LY96: variants seen among roughly 807,000 people sequenced by gnomAD.
LY96 encodes the protein myeloid differentiation protein-2.
Under a neutral mutation model 18.9 loss-of-function variants are expected in LY96, and 18 were observed. The observed-to-expected ratio is 0.95, with a 90% CI of 0.66 to 1.41. The LOEUF (loss-of-function observed/expected upper bound fraction) is 1.41, where lower values mean the gene tolerates loss of function less well. LY96 is among the 40% of genes most tolerant of loss of function. The pLI is 0.00. For synonymous variants in LY96, 66 were observed against 62.6 expected (o/e 1.06, Z -0.26); for missense variants, 175 against 182.4 (o/e 0.96, Z 0.23).
chr8:74,014,812 T>TACACACACACACACAC (rs111566455), intron 3 of LY96, among the ~76,000 whole-genome samples: 6 of 144,666 alleles, frequency 4.1e-5, no homozygotes, highest in African/African-American at 1.5e-4. Context: ...CTCACCAGTT[T>TACACACACACACACAC]ACACACACAC....
At chr8:74,066,958 A>T in the LY96 span, among the ~76,000 whole-genome samples, 9 of 152,242 alleles carry the variant, frequency 5.9e-5, no homozygotes, top group Non-Finnish European at 7.3e-5. Flanking sequence ...CAAAGAGAAC[A>T]GTGGCTACAG....
the LY96 span, among the ~76,000 whole-genome samples, chr8:74,076,688 G>T: frequency 6.6e-6 from 1 of 152,030 alleles, no homozygotes; most frequent in Non-Finnish European, 1.5e-5. Context: ...GATAGTAGGG[G>T]ATTAGTGTTA....
At chr8:74,045,458 AAT>A in the LY96 span, among the ~76,000 whole-genome samples, 1 of 152,222 alleles carries the variant, frequency 6.6e-6, no homozygotes, top group Non-Finnish European at 1.5e-5. Context: ...AAAAATCCAA[AAT>A]ATGTTATCCA....
intron 3 of LY96, among the ~76,000 whole-genome samples, chr8:74,023,635 C>T (rs1286146317): frequency 6.6e-6 from 1 of 152,102 alleles, no homozygotes; most frequent in East Asian, 1.9e-4. Flanking sequence ...GTCATTCCCT[C>T]AGGCTGTTCC....
chr8:74,053,685 C>T, the LY96 span, among the ~76,000 whole-genome samples: 8 of 152,336 alleles, frequency 5.3e-5, no homozygotes, highest in Non-Finnish European at 1.0e-4. Context: ...AACACAAACT[C>T]CAACTCAAAT....
the LY96 span, among the ~76,000 whole-genome samples, chr8:74,089,168 A>G: frequency 2.6e-5 from 4 of 152,160 alleles, no homozygotes; most frequent in African/African-American, 9.7e-5. Flanking sequence ...CAGTGATGAA[A>G]TAGCTGGTGG....
At chr8:74,006,634 C>T (rs2131264832) in intron 2 of LY96, among the ~76,000 whole-genome samples, 1 of 152,324 alleles carries the variant, frequency 6.6e-6, no homozygotes, top group East Asian at 1.9e-4. Context: ...ACTCTATTTC[C>T]TTCACTTTCC....
intron 4 of LY96, 49 bp downstream of exon 4, chr8:74,026,890 A>G: frequency 1.1e-6 from 1 of 935,114 alleles, no homozygotes; most frequent in South Asian, 1.4e-5. Flanking sequence ...GCAGTAATAG[A>G]CATGTTAAGC....
At chr8:74,077,112 T>G in the LY96 span, among the ~76,000 whole-genome samples, 14 of 152,286 alleles carry the variant, frequency 9.2e-5, no homozygotes, top group African/African-American at 3.1e-4. Flanking sequence ...GGGCAACATA[T>G]GGGGCCAGAG....
chr8:74,052,836 G>GATAGAAGCT, the LY96 span, among the ~76,000 whole-genome samples: 201 of 152,266 alleles, frequency 1.3e-3, 3 homozygotes, highest in East Asian at 0.037. Flanking sequence ...TAGTAAGGAG[G>GATAGAAGCT]GGTATGATTG....
At chr8:73,992,041 A>G (rs1460190686) in intron 1 of LY96, among the ~76,000 whole-genome samples, 1 of 152,222 alleles carries the variant, frequency 6.6e-6, no homozygotes, top group Non-Finnish European at 1.5e-5. Context: ...GACCTTAAGC[A>G]AAGTACTCCA....
intron 2 of LY96, among the ~76,000 whole-genome samples, chr8:74,006,290 C>T (rs540606067): frequency 3.3e-5 from 5 of 152,148 alleles, no homozygotes; most frequent in South Asian, 2.1e-4. Context: ...CTCTGCCTCC[C>T]GGGTTCAATC....
intron 1 of LY96, among the ~76,000 whole-genome samples, chr8:74,001,295 C>G (rs999135929): frequency 6.6e-6 from 1 of 150,874 alleles, no homozygotes; most frequent in African/African-American, 2.4e-5. Context: ...GTGATCTCAG[C>G]TCACTGCAAC....
the LY96 span, among the ~76,000 whole-genome samples, chr8:74,087,717 CAT>C: frequency 6.6e-6 from 1 of 152,200 alleles, no homozygotes; most frequent in African/African-American, 2.4e-5. Context: ...TAATGAAAGA[CAT>C]CGCCAAGCTT....
intron 2 of LY96, among the ~76,000 whole-genome samples, chr8:74,007,367 T>A (rs1816435750): frequency 6.6e-6 from 1 of 152,232 alleles, no homozygotes; most frequent in Non-Finnish European, 1.5e-5. Context: ...TCTCACTAAA[T>A]ATGACATTTA....
At chr8:74,071,644 T>G in the LY96 span, among the ~76,000 whole-genome samples, 2 of 152,226 alleles carry the variant, frequency 1.3e-5, no homozygotes, top group African/African-American at 4.8e-5. Context: ...CCACTGCCTC[T>G]CACCTCCAGG....
intron 3 of LY96, among the ~76,000 whole-genome samples, chr8:74,014,341 G>A (rs1816594706): frequency 1.3e-5 from 2 of 149,340 alleles, no homozygotes; most frequent in South Asian, 4.2e-4. Flanking sequence ...CACCCAGGAG[G>A]TCTTGGCTAG....
chr8:74,026,016 GAAAC>G (rs1436590992), intron 3 of LY96, among the ~76,000 whole-genome samples: 7 of 151,914 alleles, frequency 4.6e-5, no homozygotes, highest in Non-Finnish European at 8.8e-5. Flanking sequence ...TCAAAACAAA[GAAAC>G]AAACAAAAAC....
the LY96 span, among the ~76,000 whole-genome samples, chr8:74,096,009 A>T: frequency 6.6e-6 from 1 of 152,138 alleles, no homozygotes; most frequent in Non-Finnish European, 1.5e-5. Flanking sequence ...GGACAGCTTC[A>T]TGTGTTTAAG....
Sources: gnomAD v4.1 joint callset for allele counts (sites outside exome capture counted in the v4.1 genomes callset) on GRCh38, gnomAD v4.1.1 for gene constraint, MANE v1.5 for transcripts, NCBI Gene and HGNC (gene_info 2026-07-23, HGNC 2026-07-21) for gene names.